ARHGEF11: variants seen among roughly 807,000 people sequenced by gnomAD.
ARHGEF11 encodes the protein Rho guanine exchange factor (GEF) 11.
ARHGEF11 carries 55 observed loss-of-function variants against 193.7 expected under a neutral mutation model. The observed-to-expected ratio is 0.28, with a 90% CI of 0.23 to 0.36. ARHGEF11 has a LOEUF of 0.36. ARHGEF11 is among the 10% of genes least tolerant of loss of function. ARHGEF11 has a pLI of 1.00. For synonymous variants in ARHGEF11, 693 were observed against 768.0 expected, an observed-to-expected ratio of 0.90 and a Z score of 1.62; for missense variants, 1,723 against 2,005.6, an observed-to-expected ratio of 0.86 and a Z score of 2.69.
At chr1:156,967,783 G>C (rs1661902345) in intron 11 of ARHGEF11, 1 of 660,916 alleles carries the variant, frequency 1.5e-6, no homozygotes, top group Non-Finnish European at 2.6e-6. Context: ...CATAGAAATG[G>C]AGCCAGCCTT....
chr1:156,941,409 C>T lies in ARHGEF11; in HGVS notation c.3477G>A (p.Val1159=), dbSNP rs757543491. Reference sequence around the variant, plus strand: ...CCTCAGGTTCAGGTTCACCATGGAACACGTCTGAGTCATCCAGTTCTACCC... The same window carrying T: ...CCTCAGGTTCAGGTTCACCATGGAATACGTCTGAGTCATCCAGTTCTACCC... ...PSRVELDDSD[V]FHGEPEPEEL... is the part of the protein sequence containing the mutation. The change falls in exon 35 of 41, where the codon GTG becomes GTA. Residue 1159 remains valine (V), a synonymous_variant. Coordinates refer to ENST00000368194, the MANE Select transcript of ARHGEF11 (RefSeq NM_198236.3). The T allele has an allele frequency of 3.7e-6, 6 of 1,613,784 alleles. No homozygotes were observed. The Admixed American group carries it at 5.0e-5, about 13-fold the overall frequency.
At chr1:157,012,582 C>T (rs1668670422) in intron 1 of ARHGEF11, among the ~76,000 whole-genome samples, 1 of 152,182 alleles carries the variant, frequency 6.6e-6, no homozygotes, top group Non-Finnish European at 1.5e-5. Flanking sequence ...AACGTCCTTC[C>T]TAGTACTCTC....
chr1:156,956,529 C>T lies in ARHGEF11; in HGVS notation c.1562G>A (p.Ser521Asn). 6.2e-7 allele frequency: 1 copy of T among 1,614,110 alleles called. No individual in the cohort carries two copies. Among genetic ancestry groups the T allele is most frequent in the South Asian group, 1.1e-5 (1 of 91,074 alleles). ...CTCTCGAAGACGGATCCCAGCATGG[C>T]TCATGTAGGTATTGAGGGCGAAGTC... is the stretch of plus-strand genomic sequence containing the variant. ...PMDFALNTYMSHAGIRLREAR... is the reference protein window; with the variant it reads ...PMDFALNTYMNHAGIRLREAR... The change falls in exon 19 of 41, where the codon AGC becomes AAC. Residue 521 changes from serine (S) to asparagine (N), a missense_variant. By Grantham distance (46) the Ser-to-Asn change is conservative. Around this residue, in one of 5 missense-constraint regions of ARHGEF11, gnomAD observed 646 missense variants for 710.7 expected, o/e 0.91. Coordinates refer to ENST00000368194, the MANE Select transcript of ARHGEF11 (RefSeq NM_198236.3).
At chr1:156,994,532 A>C (rs1450067533) in intron 1 of ARHGEF11, among the ~76,000 whole-genome samples, 2 of 151,962 alleles carry the variant, frequency 1.3e-5, no homozygotes, top group Non-Finnish European at 2.9e-5. Context: ...AGTAAACCTC[A>C]CCTTTCTACT....
intron 1 of ARHGEF11, among the ~76,000 whole-genome samples, chr1:157,004,309 G>C (rs1667561059): frequency 6.6e-6 from 1 of 152,122 alleles, no homozygotes; most frequent in Non-Finnish European, 1.5e-5. Flanking sequence ...GATTCACTCT[G>C]CTCCCCAACC....
At chr1:156,990,931 C>CTAGG (rs1437203937) in intron 1 of ARHGEF11, among the ~76,000 whole-genome samples, 11 of 152,196 alleles carry the variant, frequency 7.2e-5, no homozygotes, top group African/African-American at 2.7e-4. Flanking sequence ...GATCTGACTG[C>CTAGG]TAGGTACTCA....
At chr1:156,950,332 T>C (rs2101980673) in intron 22 of ARHGEF11, among the ~76,000 whole-genome samples, 1 of 152,300 alleles carries the variant, frequency 6.6e-6, no homozygotes, top group East Asian at 1.9e-4. Context: ...GGTTTGATAA[T>C]TAGTTATTTC....
rs760350447 is a variant in ARHGEF11 at position 156,946,693 on chromosome 1, C to T, written c.2663G>A (p.Arg888His). ...IALELIKTKQ[R>H]KESRFQLFMQ... Reference sequence around the variant, plus strand: ...GAAGAGCTGGAATCGACTCTCCTTGCGTTGCTTGGTCTTGATTAGCTCTAG... The same window carrying T: ...GAAGAGCTGGAATCGACTCTCCTTGTGTTGCTTGGTCTTGATTAGCTCTAG... Residue 888 changes from arginine to histidine, a missense_variant, in exon 28 of 41, where the codon CGC (arginine) becomes CAC (histidine). By Grantham distance (29) the Arg-to-His change is conservative. Coordinates refer to ENST00000368194, the MANE Select transcript of ARHGEF11 (RefSeq NM_198236.3). The T allele has an allele frequency of 3.1e-6, 5 of 1,614,090 alleles. No homozygotes were observed. In the Admixed American group the frequency reaches 6.7e-5, roughly 22 times the overall value.
chr1:157,036,648 G>A (rs1426558392), intron 1 of ARHGEF11, among the ~76,000 whole-genome samples: 1 of 152,024 alleles, frequency 6.6e-6, no homozygotes. Flanking sequence ...AAGCTGTATT[G>A]AAGAGCTCTA....
chr1:156,997,065 C>T (rs979627392), intron 1 of ARHGEF11, among the ~76,000 whole-genome samples: 20 of 151,516 alleles, frequency 1.3e-4, no homozygotes, highest in Middle Eastern at 3.4e-3. Flanking sequence ...GATGGGGTCT[C>T]CCTTTGTTGC....
intron 1 of ARHGEF11, among the ~76,000 whole-genome samples, chr1:157,036,851 C>A (rs1461884315): frequency 6.6e-6 from 1 of 152,086 alleles, no homozygotes; most frequent in Non-Finnish European, 1.5e-5. Flanking sequence ...CAGGGCAGTG[C>A]ACGGTGGCTT....
rs762938728 is a variant in ARHGEF11 at position 156,947,943 on chromosome 1, G to C, written c.2167C>G (p.Pro723Ala). 1 of 1,613,310 alleles carries C rather than the reference G, an allele frequency of 6.2e-7. No homozygotes were observed. The highest frequency in any genetic ancestry group is 2.2e-5 in the East Asian group (1 of 44,858). ...GTATCTGTGCAGAACCCCAAACTGG[G>C]GGACTCAATGCTCCTGGGGGAAAAC... ...PKMGRRSIES[P>A]SLGFCTDTLL... is the part of the protein sequence containing the mutation. Residue 723 changes from proline (P) to alanine (A), a missense_variant, in exon 25 of 41, where the codon CCC becomes GCC. Around this residue, in one of 5 missense-constraint regions of ARHGEF11, gnomAD observed 491 missense variants for 654.5 expected, o/e 0.75. Coordinates refer to ENST00000368194, the MANE Select transcript of ARHGEF11 (RefSeq NM_198236.3).
chr1:156,962,908 A>AC (rs1557867530), intron 13 of ARHGEF11, among the ~76,000 whole-genome samples: 1 of 146,036 alleles, frequency 6.8e-6, no homozygotes. Context: ...AAAAAAAAAA[A>AC]CTCTAGGAAG....
intron 1 of ARHGEF11, among the ~76,000 whole-genome samples, chr1:157,023,156 C>T (rs747608743): frequency 5.3e-5 from 8 of 152,142 alleles, no homozygotes; most frequent in Non-Finnish European, 1.0e-4. Context: ...AAAATTAAAA[C>T]GTCTTGTGTG....
At chr1:156,945,854 A>G (rs1379593798) in intron 29 of ARHGEF11, 191 bp downstream of exon 29, 5 of 544,652 alleles carry the variant, frequency 9.2e-6, no homozygotes, top group Non-Finnish European at 1.6e-5. Context: ...TCCTCCCACT[A>G]TTAAACACCT....
chr1:156,953,684 C>CTATA (rs776051693), intron 21 of ARHGEF11, among the ~76,000 whole-genome samples: 2 of 152,142 alleles, frequency 1.3e-5, no homozygotes, highest in Non-Finnish European at 2.9e-5. Context: ...GTCTCTCTCT[C>CTATA]TCTCTCTATA....
intron 1 of ARHGEF11, among the ~76,000 whole-genome samples, chr1:157,009,918 G>T (rs1668347046): frequency 6.6e-6 from 1 of 152,134 alleles, no homozygotes; most frequent in South Asian, 2.1e-4. Flanking sequence ...TTCTCAACAT[G>T]AACCTGCTGC....
In ARHGEF11 at chr1:156,945,201, C is replaced by A. The variant is rs1657892240; in HGVS notation, c.2813-4G>T. The A allele has an allele frequency of 6.2e-7, 1 of 1,612,750 alleles. No individual in the cohort carries two copies. The highest frequency in any genetic ancestry group is 1.7e-5 in the Admixed American group (1 of 59,896). ...TTCTCATGCTCAGAGGTGCCACCTA[C>A]CAAAATGGACAGAAGAGATGGTTGG... On this transcript the variant is annotated splice_polypyrimidine_tract_variant and splice_region_variant and intron_variant, in intron 29 of 40. Coordinates refer to ENST00000368194, the MANE Select transcript of ARHGEF11 (RefSeq NM_198236.3).
intron 1 of ARHGEF11, among the ~76,000 whole-genome samples, chr1:156,992,726 A>G (rs1038442641): frequency 7.9e-5 from 12 of 152,210 alleles, no homozygotes; most frequent in Admixed American, 7.9e-4. Context: ...ACGGTCTCAC[A>G]TAGAGACAAT....
Sources: allele counts gnomAD v4.1 joint callset (sites outside exome capture counted in the v4.1 genomes callset), GRCh38; gene constraint gnomAD v4.1.1; regional missense constraint gnomAD v4.1.1; transcripts MANE v1.5; gene names NCBI Gene and HGNC (gene_info 2026-07-23, HGNC 2026-07-21).